NOS2: variants seen among roughly 807,000 people sequenced by gnomAD.
NOS2 encodes the protein nitric oxide synthase 2.
In NOS2, 96 loss-of-function variants were observed where a neutral mutation model predicts 136.0. The observed-to-expected ratio is 0.71, with a 90% CI of 0.60 to 0.84. The LOEUF (loss-of-function observed/expected upper bound fraction) is 0.84, where lower values mean the gene tolerates loss of function less well. NOS2 is among the 40% of genes least tolerant of loss of function. The pLI, the probability that NOS2 is intolerant of heterozygous loss-of-function variation, is 0.00. For synonymous variants in NOS2, 539 were observed against 587.5 expected (o/e 0.92, Z 1.20); for missense variants, 1,237 against 1,496.9 (o/e 0.83, Z 2.87).
intron 19 of NOS2, among the ~76,000 whole-genome samples, chr17:27,765,961 C>T (rs1203583235): frequency 2.6e-5 from 4 of 152,244 alleles, no homozygotes; most frequent in Non-Finnish European, 5.9e-5. Context: ...TTGGAGCCCC[C>T]CGAGGGCTTG....
intron 7 of NOS2, 101 bp downstream of exon 7, chr17:27,781,914 T>C (rs1434705095): frequency 1.7e-6 from 1 of 580,778 alleles, no homozygotes; most frequent in Non-Finnish European, 2.8e-6. Context: ...TGGTTTCTCC[T>C]GGAGCTGGAG....
intron 26 of NOS2, among the ~76,000 whole-genome samples, chr17:27,758,608 G>A (rs1487815992): frequency 2.0e-5 from 3 of 152,146 alleles, no homozygotes; most frequent in Non-Finnish European, 4.4e-5. Flanking sequence ...GGGGGGTTTG[G>A]GGAGAGGCCA....
chr17:27,762,728 C>G lies in NOS2; in HGVS notation c.2800+70G>C. ...CCTTGAACTGATGAGGGAGCTGAATCTGAGTTGATGAACAGATGTCCAATA... is the reference window on the plus strand; with the variant it reads ...CCTTGAACTGATGAGGGAGCTGAATGTGAGTTGATGAACAGATGTCCAATA... On this transcript the variant is annotated intron_variant, in intron 22 of 26. Coordinates refer to ENST00000313735, the MANE Select transcript of NOS2 (RefSeq NM_000625.4). The G allele has an allele frequency of 1.8e-5, 21 of 1,145,806 alleles. No homozygotes were observed. The South Asian group carries it at 3.0e-4, about 16-fold the overall frequency. 71.0% of individuals were successfully genotyped at this position (1,145,806 alleles called of 1,614,324 possible). A position where few individuals can be genotyped will look rare whatever the true frequency, so the allele number is the denominator to read the frequency against.
rs1733406175 is a variant in NOS2, at chr17:27,778,709, G to A, written c.1262C>T (p.Ala421Val). 1 of 1,614,086 alleles carries A rather than the reference G, an allele frequency of 6.2e-7. No individual in the cohort carries two copies. Among genetic ancestry groups the A allele is most frequent in the Non-Finnish European group, 8.5e-7 (1 of 1,179,916 alleles). ...KDQAVVEINI[A>V]VLHSFQKQNV... is the part of the protein sequence containing the mutation. ...ACATACCTGGAAACTATGGAGCACAGCAATGTTGATCTCAACGACAGCCTG... is the reference window on the plus strand; with the variant it reads ...ACATACCTGGAAACTATGGAGCACAACAATGTTGATCTCAACGACAGCCTG... The change falls in exon 11 of 27, where the codon GCT becomes GTT. Residue 421 changes from alanine to valine, a missense_variant. Physicochemically the swap from Ala to Val is moderately conservative, Grantham distance 64. Around this residue, in one of 3 missense-constraint regions of NOS2, gnomAD observed 15 missense variants for 41.6 expected, o/e 0.36. Transcript: ENST00000313735.
At chr17:27,768,937 T>C in intron 17 of NOS2, 40 bp downstream of exon 17, 2 of 1,547,448 alleles carry the variant, frequency 1.3e-6, no homozygotes. Context: ...ATGCACCCTG[T>C]CATGTCCCTG....
In NOS2 at chr17:27,780,894, G is replaced by C; in HGVS notation, c.877C>G (p.Leu293Val). 1 of 1,613,374 alleles carries C rather than the reference G, an allele frequency of 6.2e-7. No individual in the cohort carries two copies. The highest frequency in any genetic ancestry group is 8.5e-7 in the Non-Finnish European group (1 of 1,179,640). Residue 293 changes from leucine (L) to valine (V), a missense_variant, in exon 9 of 27, where the codon CTG becomes GTG. Coordinates refer to ENST00000313735, the MANE Select transcript of NOS2 (RefSeq NM_000625.4). Reference protein sequence around the residue: ...NVEFTQLCIDLGWKPKYGRFD... With the variant: ...NVEFTQLCIDVGWKPKYGRFD... ...CGGCCGTACTTGGGCTTCCAGCCCA[G>C]GTCGATGCACAGCTGGGGAACAAGA...
intron 5 of NOS2, among the ~76,000 whole-genome samples, chr17:27,784,582 C>G (rs765669105): frequency 6.6e-6 from 1 of 152,218 alleles, no homozygotes; most frequent in South Asian, 2.1e-4. Flanking sequence ...TTTTTACATT[C>G]ACATCCAATT....
chr17:27,760,782 C>T (rs556300830), intron 23 of NOS2, 38 bp from the exon 24 acceptor site: 8 of 1,536,520 alleles, frequency 5.2e-6, no homozygotes, highest in South Asian at 1.2e-5. Flanking sequence ...AGTCCTCAGA[C>T]ACCCCAGGCC....
intron 3 of NOS2, 41 bp downstream of exon 3, chr17:27,789,563 C>A (rs202094432): frequency 6.8e-7 from 1 of 1,466,216 alleles, no homozygotes; most frequent in Non-Finnish European, 9.6e-7. Flanking sequence ...CTGCCTGGAC[C>A]AGGGAGGAAG....
chr17:27,773,735 A>T (rs1374891417), intron 12 of NOS2, among the ~76,000 whole-genome samples: 1 of 152,010 alleles, frequency 6.6e-6, no homozygotes, highest in African/African-American at 2.4e-5. Context: ...CACAAAATGA[A>T]CTCTTCTCAA....
rs200809391 is a variant in NOS2, at chr17:27,780,847, G to A, written c.924C>T (p.Val308=). 12 of 1,614,198 alleles carry A rather than the reference G, an allele frequency of 7.4e-6. 1 individual carries two copies. In the African/African-American group the frequency reaches 8.0e-5, roughly 11 times the overall value. ...KYGRFDVVPL[V]LQANGRDPEL... is the part of the protein sequence containing the mutation. ...CAGGGTCACGGCCATTGGCCTGCAG[G>A]ACCAGGGGGACCACATCGAAGCGGC... Residue 308 remains valine, a synonymous_variant, in exon 9 of 27, where the codon GTC becomes GTT. Coordinates refer to ENST00000313735, the MANE Select transcript of NOS2 (RefSeq NM_000625.4).
intron 1 of NOS2, among the ~76,000 whole-genome samples, chr17:27,799,626 T>C (rs955230247): frequency 3.3e-5 from 5 of 152,174 alleles, no homozygotes; most frequent in Admixed American, 6.5e-5. Context: ...GGAGGATCGC[T>C]TGAGTCCAAG....
chr17:27,778,797 G>C lies in NOS2; in HGVS notation c.1180-6C>G. 1 of 1,614,050 alleles carries C rather than the reference G, an allele frequency of 6.2e-7. No individual in the cohort carries two copies. Among genetic ancestry groups the C allele is most frequent in the Non-Finnish European group, 8.5e-7 (1 of 1,179,924 alleles). ...CCCATTCTCCTGCCCACTTCCTACA[G>C]AGGCAGAGTGATAGCGGCGAGTCGG... is the stretch of plus-strand genomic sequence containing the variant. On this transcript the variant is annotated splice_region_variant and splice_polypyrimidine_tract_variant and intron_variant, in intron 10 of 26. Transcript: ENST00000313735.
chr17:27,778,507 G>C (rs1908733166), intron 11 of NOS2, among the ~76,000 whole-genome samples, 183 bp downstream of exon 11: 1 of 152,178 alleles, frequency 6.6e-6, no homozygotes, highest in Non-Finnish European at 1.5e-5. Context: ...GAGCGATTGA[G>C]AGAGGACAGA....
In NOS2 at chr17:27,765,678, C is replaced by T; in HGVS notation, c.2285G>A (p.Gly762Asp). Residue 762 changes from glycine to aspartate, a missense_variant, in exon 20 of 27, where the codon GGC becomes GAC. Gly to Asp is a moderately conservative substitution (Grantham distance 94). Around this residue, in one of 3 missense-constraint regions of NOS2, gnomAD observed 782 missense variants for 909.9 expected, o/e 0.86. Coordinates refer to ENST00000313735, the MANE Select transcript of NOS2 (RefSeq NM_000625.4). Reference sequence around the variant, plus strand: ...CCCCGGCAGGTAGTTCAGGCCTTGGCCATCCTCACAGGAGAGTTCCACCAG... The same window carrying T: ...CCCCGGCAGGTAGTTCAGGCCTTGGTCATCCTCACAGGAGAGTTCCACCAG... ...TILVELSCED[G>D]QGLNYLPGEH... The T allele has an allele frequency of 1.2e-6, 2 of 1,612,852 alleles. No homozygotes were observed. The highest frequency in any genetic ancestry group is 2.2e-5 in the South Asian group (2 of 90,912).
intron 2 of NOS2, among the ~76,000 whole-genome samples, chr17:27,797,642 G>A (rs1909395510): frequency 6.6e-6 from 1 of 152,246 alleles, no homozygotes; most frequent in Admixed American, 6.5e-5. Context: ...GGGCGGTGGG[G>A]TTGTGTGGCT....
In NOS2 at chr17:27,787,771, A is replaced by G; in HGVS notation, c.374T>C (p.Leu125Ser). Residue 125 changes from leucine (L) to serine (S), a missense_variant, in exon 5 of 27, where the codon TTG becomes TCG. Coordinates refer to ENST00000313735, the MANE Select transcript of NOS2 (RefSeq NM_000625.4). ...AGGCTTGTCCCTGGGTCCTCTGGTC[A>G]AACTTTTGGGAGTCATAATGGACCC... ...CLGSIMTPKSLTRGPRDKPTP... is the reference protein window; with the variant it reads ...CLGSIMTPKSSTRGPRDKPTP... 6.2e-7 allele frequency: 1 copy of G among 1,613,556 alleles called. No homozygotes were observed. The highest frequency in any genetic ancestry group is 1.1e-5 in the South Asian group (1 of 90,916).
chr17:27,780,219 G>A (rs11870951), intron 9 of NOS2, among the ~76,000 whole-genome samples: 61 of 152,248 alleles, frequency 4.0e-4, no homozygotes, highest in African/African-American at 1.4e-3. Context: ...GGAACAGGGA[G>A]TACAAAGGCT....
In NOS2 at chr17:27,787,758, G is replaced by C; in HGVS notation, c.387C>G (p.Pro129=). 1 of 1,613,664 alleles carries C rather than the reference G, an allele frequency of 6.2e-7. No individual in the cohort carries two copies. Among genetic ancestry groups the C allele is most frequent in the Non-Finnish European group, 8.5e-7 (1 of 1,179,736 alleles). Residue 129 remains proline, a synonymous_variant, in exon 5 of 27, where the codon CCC becomes CCG. Coordinates refer to ENST00000313735, the MANE Select transcript of NOS2 (RefSeq NM_000625.4). ...IMTPKSLTRG[P]RDKPTPPDEL... ...CATCTGGAGGGGTAGGCTTGTCCCTGGGTCCTCTGGTCAAACTTTTGGGAG... is the reference window on the plus strand; with the variant it reads ...CATCTGGAGGGGTAGGCTTGTCCCTCGGTCCTCTGGTCAAACTTTTGGGAG...
Sources: gnomAD v4.1 joint callset for allele counts (sites outside exome capture counted in the v4.1 genomes callset) on GRCh38, gnomAD v4.1.1 for gene constraint, gnomAD v4.1.1 regional missense constraint, MANE v1.5 for transcripts, NCBI Gene and HGNC (gene_info 2026-07-23, HGNC 2026-07-21) for gene names.